Variants in KCNIP4 observed in about 807,000 individuals in gnomAD.
The protein encoded by KCNIP4 is potassium voltage-gated channel interacting protein 4.
Under a neutral mutation model 34.0 loss-of-function variants are expected in KCNIP4, and 12 were observed. The observed-to-expected ratio is 0.35, with a 90% confidence interval of 0.23 to 0.57. The LOEUF (loss-of-function observed/expected upper bound fraction) is 0.57. Among genes scored for constraint, KCNIP4 ranks in the 20% least tolerant of loss-of-function variants. The probability of loss-of-function intolerance (pLI) is 0.83; values close to 1 mark genes in which losing one functional copy is unlikely to be tolerated. For missense variants in KCNIP4, 238 were observed against 311.7 expected (o/e 0.76, Z 1.78); for synonymous variants, 124 against 102.2 (o/e 1.21, Z -1.29).
intron 2 of KCNIP4, among the ~76,000 whole-genome samples, chr4:20,858,160 G>A (rs950747571): frequency 1.5e-5 from 2 of 137,248 alleles, no homozygotes; most frequent in Non-Finnish European, 3.1e-5. Context: ...GCAGTGAGCC[G>A]AGATCTCGCT....
intron 1 of KCNIP4, among the ~76,000 whole-genome samples, chr4:21,393,835 G>T (rs1043836865): frequency 5.9e-5 from 9 of 151,950 alleles, no homozygotes; most frequent in Non-Finnish European, 1.3e-4. Flanking sequence ...TTACATTTAG[G>T]TAAACTTAAA....
intron 1 of KCNIP4, among the ~76,000 whole-genome samples, chr4:21,087,145 AATGTGTGTGTGTGTGT>A (rs1301281871): frequency 2.8e-5 from 2 of 70,260 alleles, no homozygotes; most frequent in Admixed American, 1.5e-4. Flanking sequence ...ACTGCTGGGT[AATGTGTGTGTGTGTGT>A]GTGTGTGTGT....
intron 1 of KCNIP4, among the ~76,000 whole-genome samples, chr4:21,013,327 C>T (rs530374822): frequency 6.6e-6 from 1 of 152,012 alleles, no homozygotes; most frequent in East Asian, 1.9e-4. Context: ...AGAGTGGGAA[C>T]CAGAGGCCAG....
chr4:21,509,137 A>G (rs1734097739), intron 1 of KCNIP4, among the ~76,000 whole-genome samples: 1 of 152,170 alleles, frequency 6.6e-6, no homozygotes, highest in Non-Finnish European at 1.5e-5. Context: ...CTGACTCATA[A>G]GTAAATTCAA....
chr4:20,731,993 T>A lies in KCNIP4; in HGVS notation c.705+13A>T, dbSNP rs1390254448. The A allele has an allele frequency of 6.2e-7, 1 of 1,613,070 alleles. No homozygotes were observed. Among genetic ancestry groups the A allele is most frequent in the South Asian group, 1.1e-5 (1 of 90,998 alleles). On this transcript the variant is annotated intron_variant, in intron 8 of 8. Coordinates refer to ENST00000382152, the MANE Select transcript of KCNIP4 (RefSeq NM_025221.6). ...ATAGCTGAATTGATAGTTATTACAC[T>A]TTCATTACTTACTTTTTGGCAGCTT...
intron 1 of KCNIP4, among the ~76,000 whole-genome samples, chr4:21,906,003 C>A (rs895888200): frequency 6.6e-6 from 1 of 152,218 alleles, no homozygotes; most frequent in Non-Finnish European, 1.5e-5. Context: ...CCACTCACTC[C>A]CAGTCAAATC....
chr4:21,869,622 G>A (rs371213754), intron 1 of KCNIP4, among the ~76,000 whole-genome samples: 10 of 151,858 alleles, frequency 6.6e-5, no homozygotes, highest in South Asian at 2.1e-4. Context: ...AATTCTTTTC[G>A]TTCTCTCTTA....
At chr4:20,746,496 A>G (rs749522171) in intron 5 of KCNIP4, among the ~76,000 whole-genome samples, 1 of 152,086 alleles carries the variant, frequency 6.6e-6, no homozygotes, top group African/African-American at 2.4e-5. Flanking sequence ...CACTCTGCAC[A>G]TGTATCCCAG....
intron 1 of KCNIP4, among the ~76,000 whole-genome samples, chr4:20,968,419 A>G (rs1432420922): frequency 6.6e-6 from 1 of 152,186 alleles, no homozygotes; most frequent in Non-Finnish European, 1.5e-5. Context: ...CAACGATCCC[A>G]TTACTAGGTA....
chr4:21,870,229 A>G (rs1725705636), intron 1 of KCNIP4, among the ~76,000 whole-genome samples: 1 of 152,178 alleles, frequency 6.6e-6, no homozygotes, highest in South Asian at 2.1e-4. Flanking sequence ...CCAGATGGTT[A>G]CATGTTCTCA....
intron 1 of KCNIP4, among the ~76,000 whole-genome samples, chr4:21,452,762 G>C (rs1398537477): frequency 6.7e-6 from 1 of 148,724 alleles, no homozygotes; most frequent in Admixed American, 6.7e-5. Flanking sequence ...CACATTGTCT[G>C]CTATCTCTGA....
At chr4:20,843,984 A>G (rs994630086) in intron 3 of KCNIP4, among the ~76,000 whole-genome samples, 3 of 152,250 alleles carry the variant, frequency 2.0e-5, no homozygotes, top group African/African-American at 7.2e-5. Context: ...ACTTTTGTAC[A>G]TAGAAGAATA....
chr4:21,837,185 G>A (rs1186397329), intron 1 of KCNIP4, among the ~76,000 whole-genome samples: 1 of 98 alleles, frequency 0.01, no homozygotes, highest in Non-Finnish European at 0.02. Context: ...CCAAAGTGCT[G>A]GGAATTACAG....
intron 1 of KCNIP4, among the ~76,000 whole-genome samples, chr4:21,590,236 T>C (rs1422764521): frequency 6.6e-6 from 1 of 152,042 alleles, no homozygotes; most frequent in African/African-American, 2.4e-5. Flanking sequence ...ATGAAACCTA[T>C]TCTAAAGTGT....
intron 1 of KCNIP4, among the ~76,000 whole-genome samples, chr4:21,446,457 G>T (rs1271192752): frequency 1.3e-5 from 2 of 152,006 alleles, no homozygotes; most frequent in South Asian, 2.1e-4. Flanking sequence ...AAAAAGGAAT[G>T]AGTTCATGTC....
At chr4:21,377,485 T>C (rs1266519007) in intron 1 of KCNIP4, among the ~76,000 whole-genome samples, 1 of 152,230 alleles carries the variant, frequency 6.6e-6, no homozygotes, top group Non-Finnish European at 1.5e-5. Flanking sequence ...AAGGTTTAAA[T>C]AATTATGTAG....
intron 1 of KCNIP4, among the ~76,000 whole-genome samples, chr4:20,914,695 G>T (rs1728639827): frequency 6.6e-6 from 1 of 152,158 alleles, no homozygotes; most frequent in South Asian, 2.1e-4. Flanking sequence ...GGGTCTAATT[G>T]AAGTCACTCG....
At chr4:20,887,150 T>C (rs1725403488) in intron 1 of KCNIP4, among the ~76,000 whole-genome samples, 1 of 151,794 alleles carries the variant, frequency 6.6e-6, no homozygotes, top group Non-Finnish European at 1.5e-5. Flanking sequence ...AACAGCAGAC[T>C]GAGAACTACT....
intron 2 of KCNIP4, among the ~76,000 whole-genome samples, chr4:20,879,258 G>A (rs1266920957): frequency 2.6e-5 from 4 of 152,120 alleles, no homozygotes; most frequent in Non-Finnish European, 2.9e-5. Flanking sequence ...GTGTCAGGTG[G>A]AAGACATTCT....
Sources: allele counts gnomAD v4.1 joint callset (sites outside exome capture counted in the v4.1 genomes callset), GRCh38; gene constraint gnomAD v4.1.1; transcripts MANE v1.5; gene names NCBI Gene and HGNC (gene_info 2026-07-23, HGNC 2026-07-21).